Variants in CNTNAP5 observed in about 807,000 individuals in gnomAD.
The protein encoded by CNTNAP5 is contactin associated protein family member 5.
CNTNAP5 carries 72 observed loss-of-function variants against 150.2 expected under a neutral mutation model. The observed-to-expected ratio is 0.48, with a 90% CI of 0.40 to 0.58. CNTNAP5 has a LOEUF of 0.58. CNTNAP5 is among the 20% of genes least tolerant of loss of function. The pLI is 0.00. For missense variants in CNTNAP5, 1,636 were observed against 1,626.2 expected (o/e 1.01, Z -0.10); for synonymous variants, 672 against 619.8 (o/e 1.08, Z -1.25).
intron 17 of CNTNAP5, among the ~76,000 whole-genome samples, chr2:124,782,795 A>T (rs1681482755): frequency 6.6e-6 from 1 of 152,190 alleles, no homozygotes; most frequent in Admixed American, 6.5e-5. Context: ...ATACCCTATG[A>T]CCAACAGTTC....
chr2:124,317,492 C>T (rs777540096), intron 3 of CNTNAP5, among the ~76,000 whole-genome samples: 25 of 152,246 alleles, frequency 1.6e-4, no homozygotes, highest in Non-Finnish European at 3.2e-4. Flanking sequence ...CATCTAGGCC[C>T]TGTCCAACCC....
intron 3 of CNTNAP5, among the ~76,000 whole-genome samples, chr2:124,379,617 T>C (rs61682206): frequency 0.15 from 23,174 of 151,842 alleles, 1,815 homozygotes; most frequent in East Asian, 0.19. Flanking sequence ...TATAAATAAC[T>C]GTGTGCAAGT....
At chr2:124,773,466 C>T (rs1235953327) in intron 17 of CNTNAP5, among the ~76,000 whole-genome samples, 3 of 152,112 alleles carry the variant, frequency 2.0e-5, no homozygotes, top group East Asian at 3.9e-4. Context: ...AAGGGATTTT[C>T]GTCAACAGTA....
At chr2:124,199,457 C>T (rs560894497) in intron 1 of CNTNAP5, among the ~76,000 whole-genome samples, 1 of 121,616 alleles carries the variant, frequency 8.2e-6, no homozygotes, top group African/African-American at 3.2e-5. Context: ...CTCTTGTTGC[C>T]CAGGCTGGAG....
At chr2:124,640,702 C>T (rs1262103898) in intron 12 of CNTNAP5, among the ~76,000 whole-genome samples, 1 of 152,124 alleles carries the variant, frequency 6.6e-6, no homozygotes, top group Non-Finnish European at 1.5e-5. Context: ...CAATGTACCC[C>T]CTCAGTAAAG....
intron 12 of CNTNAP5, among the ~76,000 whole-genome samples, chr2:124,644,453 T>A (rs1678162640): frequency 6.6e-6 from 1 of 152,174 alleles, no homozygotes; most frequent in Non-Finnish European, 1.5e-5. Context: ...ACAACTTTAT[T>A]TTCTTTATTG....
chr2:124,169,392 T>A (rs541729537), intron 1 of CNTNAP5, among the ~76,000 whole-genome samples: 12 of 152,068 alleles, frequency 7.9e-5, no homozygotes, highest in African/African-American at 2.7e-4. Context: ...ATTTTGAGGA[T>A]GATGAAGAAA....
intron 1 of CNTNAP5, among the ~76,000 whole-genome samples, chr2:124,146,871 C>T (rs1202226001): frequency 6.6e-6 from 1 of 152,084 alleles, no homozygotes; most frequent in Non-Finnish European, 1.5e-5. Flanking sequence ...AATGTGGTTT[C>T]CTCAGCTTCT....
intron 8 of CNTNAP5, among the ~76,000 whole-genome samples, chr2:124,517,208 TTGG>T (rs1694739255): frequency 6.6e-6 from 1 of 151,404 alleles, no homozygotes; most frequent in East Asian, 1.9e-4. Flanking sequence ...GGTTGTGGTG[TTGG>T]TGGTGGAGGG....
intron 3 of CNTNAP5, among the ~76,000 whole-genome samples, chr2:124,309,115 A>C (rs1293611274): frequency 6.6e-6 from 1 of 152,214 alleles, no homozygotes; most frequent in Admixed American, 6.5e-5. Flanking sequence ...AAATATTAAC[A>C]ATAATAACTA....
intron 13 of CNTNAP5, among the ~76,000 whole-genome samples, chr2:124,743,451 G>A (rs1680540655): frequency 6.6e-6 from 1 of 152,174 alleles, no homozygotes; most frequent in South Asian, 2.1e-4. Context: ...GAGATGCTCT[G>A]ATGGGAAGAT....
chr2:124,672,117 A>T (rs1678836307), intron 13 of CNTNAP5, among the ~76,000 whole-genome samples: 1 of 152,070 alleles, frequency 6.6e-6, no homozygotes, highest in South Asian at 2.1e-4. Flanking sequence ...TGTGAGCAGG[A>T]TTGGTTTATT....
chr2:124,109,620 G>T (rs949227305), intron 1 of CNTNAP5, among the ~76,000 whole-genome samples: 1 of 152,180 alleles, frequency 6.6e-6, no homozygotes, highest in Non-Finnish European at 1.5e-5. Context: ...CCTGCCTGGG[G>T]ACAGGGCATC....
intron 12 of CNTNAP5, among the ~76,000 whole-genome samples, chr2:124,630,304 C>T (rs1484643841): frequency 6.6e-6 from 1 of 152,092 alleles, no homozygotes; most frequent in African/African-American, 2.4e-5. Context: ...CCCTGATGAA[C>T]ATTGATACAA....
intron 12 of CNTNAP5, among the ~76,000 whole-genome samples, chr2:124,632,417 G>A (rs1677883379): frequency 6.6e-6 from 1 of 152,100 alleles, no homozygotes; most frequent in Admixed American, 6.6e-5. Flanking sequence ...CACGAATGAA[G>A]CTGAAAGCTG....
intron 16 of CNTNAP5, among the ~76,000 whole-genome samples, chr2:124,764,834 A>G (rs1255688068): frequency 6.6e-6 from 1 of 152,182 alleles, no homozygotes; most frequent in Non-Finnish European, 1.5e-5. Flanking sequence ...TACAATTTAA[A>G]AAAATTACAT....
intron 13 of CNTNAP5, 23 bp from the exon 14 acceptor site, chr2:124,747,206 T>G (rs762554120): frequency 5.6e-6 from 9 of 1,607,996 alleles, no homozygotes; most frequent in Non-Finnish European, 7.7e-6. Context: ...CTACCCTGAC[T>G]GGTGGAATAT....
chr2:124,679,628 T>C (rs551765931), intron 13 of CNTNAP5, among the ~76,000 whole-genome samples: 1 of 151,416 alleles, frequency 6.6e-6, no homozygotes, highest in South Asian at 2.1e-4. Context: ...CAGGTTGGAG[T>C]GCAGTGATGC....
intron 5 of CNTNAP5, among the ~76,000 whole-genome samples, chr2:124,440,345 C>A (rs1692643197): frequency 6.6e-6 from 1 of 151,362 alleles, no homozygotes; most frequent in South Asian, 2.1e-4. Flanking sequence ...TCAAGAATGA[C>A]TTTTTTTTTG....
Sources: allele counts gnomAD v4.1 joint callset (sites outside exome capture counted in the v4.1 genomes callset), GRCh38; gene constraint gnomAD v4.1.1; transcripts MANE v1.5; gene names NCBI Gene and HGNC (gene_info 2026-07-23, HGNC 2026-07-21).